Variants in NBN observed in about 807,000 individuals in gnomAD.
NBN encodes nibrin.
In NBN, 88 loss-of-function variants were observed where a neutral mutation model predicts 90.8. The observed-to-expected ratio is 0.97, with a 90% CI of 0.82 to 1.16. The LOEUF is 1.16. NBN is among the 50% of genes most tolerant of loss of function. The pLI is 0.00. For synonymous variants in NBN, 328 were observed against 295.1 expected, an observed-to-expected ratio of 1.11 and a Z score of -1.14; for missense variants, 894 against 869.6, an observed-to-expected ratio of 1.03 and a Z score of -0.35.
intron 14 of NBN, among the ~76,000 whole-genome samples, chr8:89,942,063 A>G (rs1809974452): frequency 1.3e-5 from 2 of 152,180 alleles, no homozygotes; most frequent in Admixed American, 6.5e-5. Context: ...TTTAATGTCT[A>G]TACGGGGTAT....
At chr8:89,984,233 G>A (rs1812217024) in intron 1 of NBN, 5 of 539,850 alleles carry the variant, frequency 9.3e-6, no homozygotes, top group Non-Finnish European at 1.7e-5. Context: ...CCCTAGCGCT[G>A]CAACGGCGCG....
chr8:89,981,030 G>A, intron 3 of NBN, 137 bp from the exon 4 acceptor site: 1 of 768,004 alleles, frequency 1.3e-6, no homozygotes, highest in Non-Finnish European at 2.1e-6. Context: ...TGTAACCTAT[G>A]AAATTATCAG....
At chr8:89,945,714 A>T (rs563954070) in intron 13 of NBN, among the ~76,000 whole-genome samples, 1 of 152,164 alleles carries the variant, frequency 6.6e-6, no homozygotes, top group African/African-American at 2.4e-5. Flanking sequence ...ATATATATTT[A>T]TATTGTGTTT....
intron 2 of NBN, chr8:89,982,048 A>G: frequency 1.3e-6 from 1 of 765,500 alleles, no homozygotes; most frequent in South Asian, 1.6e-5. Context: ...AGAAATTCAT[A>G]TCGCATATAT....
chr8:89,975,458 C>T (rs1811709145), intron 5 of NBN, among the ~76,000 whole-genome samples: 1 of 152,144 alleles, frequency 6.6e-6, no homozygotes, highest in Admixed American at 6.5e-5. Context: ...AAGCCTTCAA[C>T]AAGCACATCA....
At chr8:89,954,284 C>G (rs780102394) in intron 10 of NBN, among the ~76,000 whole-genome samples, 5 of 152,092 alleles carry the variant, frequency 3.3e-5, no homozygotes, top group Admixed American at 6.6e-5. Context: ...ACTCTGTTCT[C>G]CAGGAGTTTA....
Position 89,943,309 on chromosome 8 carries a change from C to T in NBN, c.2128G>A (p.Ala710Thr). ...TCTGTATTCTTTCGAGCATGATGAG[C>T]TATTAGATCTGATCCTCCAATGATG... ...PHIIGGSDLI[A>T]HHARKNTELE... Residue 710 changes from alanine to threonine, a missense_variant, in exon 14 of 16, where the codon GCT becomes ACT. Coordinates refer to ENST00000265433, the MANE Select transcript of NBN (RefSeq NM_002485.5). 1 of 1,613,130 alleles carries T rather than the reference C, an allele frequency of 6.2e-7. No homozygotes were observed. Among genetic ancestry groups the T allele is most frequent in the Non-Finnish European group, 8.5e-7 (1 of 1,179,222 alleles).
intron 7 of NBN, among the ~76,000 whole-genome samples, chr8:89,965,489 A>ATT (rs562223469): frequency 2.1e-5 from 3 of 144,876 alleles, no homozygotes; most frequent in South Asian, 2.2e-4. Flanking sequence ...CATTGTAAAG[A>ATT]TTTTTTTTTT....
chr8:89,970,224 G>C, intron 7 of NBN, 140 bp downstream of exon 7: 1 of 683,036 alleles, frequency 1.5e-6, no homozygotes, highest in South Asian at 1.8e-5. Context: ...ACTCCAGCCT[G>C]GGCAACAAGA....
intron 13 of NBN, 134 bp downstream of exon 13, chr8:89,946,006 G>T: frequency 1.5e-6 from 1 of 665,318 alleles, no homozygotes; most frequent in East Asian, 2.8e-5. Flanking sequence ...CTTCCTAGAG[G>T]AATTTTTTAA....
In NBN at chr8:89,963,000, CA is replaced by C. The variant is rs147513790; in HGVS notation, c.994+1409del. On this transcript the variant is annotated intron_variant, in intron 8 of 15. Coordinates refer to ENST00000265433, the MANE Select transcript of NBN (RefSeq NM_002485.5). ...TCCAGCTAATTTCCTCTCTGTCCGT[CA>C]GTTCCCTCATCTACGAAAAGTAGAT... is the stretch of plus-strand genomic sequence containing the variant. 4.4e-3 allele frequency among the ~76,000 whole-genome samples: 672 copies of C among 152,314 alleles called. 7 individuals carry two copies. The highest frequency in any genetic ancestry group is 0.015 in the African/African-American group (641 of 41,566).
intron 4 of NBN, among the ~76,000 whole-genome samples, chr8:89,980,111 C>T (rs1811986243): frequency 6.6e-6 from 1 of 152,166 alleles, no homozygotes. Flanking sequence ...TAAAAAAACC[C>T]TTGATTACAG....
intron 11 of NBN, among the ~76,000 whole-genome samples, chr8:89,949,813 G>A (rs12680903): frequency 0.36 from 54,521 of 151,962 alleles, 9,865 homozygotes; most frequent in East Asian, 0.45. Flanking sequence ...ATGTTTAAAT[G>A]AAAGGATTAA....
chr8:89,965,821 T>C (rs1811228413), intron 7 of NBN, among the ~76,000 whole-genome samples: 1 of 152,182 alleles, frequency 6.6e-6, no homozygotes, highest in Non-Finnish European at 1.5e-5. Context: ...TCGTAAGGTC[T>C]TTTTGAAATG....
intron 8 of NBN, among the ~76,000 whole-genome samples, chr8:89,961,175 C>T (rs1310728227): frequency 2.6e-5 from 4 of 152,242 alleles, no homozygotes; most frequent in East Asian, 3.9e-4. Flanking sequence ...TTTAATAGAA[C>T]GATTAGATGA....
chr8:89,982,769 T>A lies in NBN; in HGVS notation c.124A>T (p.Ser42Cys). 1 of 1,614,052 alleles carries A rather than the reference T, an allele frequency of 6.2e-7. No homozygotes were observed. The highest frequency in any genetic ancestry group is 1.1e-5 in the South Asian group (1 of 91,086). Residue 42 changes from serine (S) to cysteine (C), a missense_variant, in exon 2 of 16, where the codon AGC becomes TGC. By Grantham distance (112) the Ser-to-Cys change is moderately radical (BLOSUM62 -1). Transcript: ENST00000265433. ...AILIENDQSI[S>C]RNHAVLTANF... ...GCAGTTAACACAGCATGATTTCGGCTGATCGACTGATCATTTTCAATCAGA... is the reference window on the plus strand; with the variant it reads ...GCAGTTAACACAGCATGATTTCGGCAGATCGACTGATCATTTTCAATCAGA...
At chr8:89,982,665 T>C (rs1360503372) in intron 2 of NBN, 57 bp downstream of exon 2, 1 of 1,429,434 alleles carries the variant, frequency 7.0e-7, no homozygotes, top group Non-Finnish European at 9.9e-7. Context: ...ACCAAGAGAA[T>C]ATTTTGTGAT....
rs1060503479 is a variant in NBN, at chr8:89,980,772, T to C, written c.442A>G (p.Thr148Ala). ...FTVNNWTEEC[T>A]HLVMVSVKVT... ...TTCACTGATACCATGACAAGGTGAG[T>C]GCATTCTTCTGTCCAATTGTTTACA... Residue 148 changes from threonine (T) to alanine (A), a missense_variant, in exon 4 of 16, where the codon ACT becomes GCT. Transcript: ENST00000265433. 6.2e-7 allele frequency: 1 copy of C among 1,613,466 alleles called. No individual in the cohort carries two copies. The highest frequency in any genetic ancestry group is 1.7e-4 in the Middle Eastern group (1 of 6,052).
intron 5 of NBN, among the ~76,000 whole-genome samples, chr8:89,973,833 A>T (rs1811624778): frequency 6.6e-6 from 1 of 152,216 alleles, no homozygotes; most frequent in African/African-American, 2.4e-5. Context: ...CGATACTACA[A>T]ATATAAAGTG....
Sources: allele counts gnomAD v4.1 joint callset (sites outside exome capture counted in the v4.1 genomes callset), GRCh38; gene constraint gnomAD v4.1.1; transcripts MANE v1.5; gene names NCBI Gene and HGNC (gene_info 2026-07-23, HGNC 2026-07-21).